MTAP: variants seen among roughly 807,000 people sequenced by gnomAD.
The protein encoded by MTAP is methylthioadenosine phosphorylase, also known as S-methyl-5'-thioadenosine phosphorylase.
In MTAP, 33 loss-of-function variants were observed where a neutral mutation model predicts 33.6. The observed-to-expected ratio is 0.98, with a 90% CI of 0.74 to 1.31. The LOEUF (loss-of-function observed/expected upper bound fraction) is 1.31, where lower values mean the gene tolerates loss of function less well. Ranked by LOEUF, MTAP falls within the 40% of genes most tolerant of loss-of-function variation. The pLI, the probability that MTAP is intolerant of heterozygous loss-of-function variation, is 0.00. For missense variants in MTAP, 367 were observed against 360.0 expected, an observed-to-expected ratio of 1.02 and a Z score of -0.16; for synonymous variants, 148 against 125.7, an observed-to-expected ratio of 1.18 and a Z score of -1.19.
intron 1 of MTAP, among the ~76,000 whole-genome samples, chr9:21,814,922 G>T (rs141499544): frequency 6.6e-6 from 1 of 152,176 alleles, no homozygotes; most frequent in East Asian, 1.9e-4. Context: ...TTCTAATGGC[G>T]TGGGAAAGAT....
At chr9:21,836,897 C>G (rs1825122750) in intron 4 of MTAP, among the ~76,000 whole-genome samples, 1 of 152,140 alleles carries the variant, frequency 6.6e-6, no homozygotes, top group Non-Finnish European at 1.5e-5. Flanking sequence ...GTAAACGGAA[C>G]CAGTGAAACT....
intron 4 of MTAP, among the ~76,000 whole-genome samples, chr9:21,820,872 A>G (rs1454652768): frequency 1.3e-5 from 2 of 152,112 alleles, no homozygotes; most frequent in South Asian, 2.1e-4. Context: ...TAGGTATTTT[A>G]TTCTCTTTGA....
intron 5 of MTAP, among the ~76,000 whole-genome samples, chr9:21,851,534 G>T (rs890788497): frequency 6.6e-6 from 1 of 152,206 alleles, no homozygotes; most frequent in Admixed American, 6.5e-5. Context: ...GCTGTATTAT[G>T]TTACGTGTAA....
intron 5 of MTAP, among the ~76,000 whole-genome samples, chr9:21,851,815 T>C (rs1374069820): frequency 6.6e-6 from 1 of 152,098 alleles, no homozygotes; most frequent in Non-Finnish European, 1.5e-5. Context: ...GGCAGAAAAT[T>C]GTTAAAAGAG....
chr9:21,863,250 T>TC lies in MTAP; in HGVS notation c.*1236_*1237insC. ...AAATTATTTTATACGAGTTGGTAAT[T>TC]TTTGCTTTTTAATAAAGTGGAAGCT... On this transcript the variant is annotated 3_prime_UTR_variant, in exon 8 of 8. Transcript: ENST00000644715. 1 of 978,026 alleles carries TC rather than the reference T, an allele frequency of 1.0e-6. No homozygotes were observed. Among genetic ancestry groups the TC allele is most frequent in the Non-Finnish European group, 1.2e-6 (1 of 823,206 alleles). The allele number at this position is 978,026 out of a possible 1,614,324, so 60.6% of individuals were successfully genotyped here.
chr9:21,921,938 C>G (rs1344705304), intron 1 of MTAP, among the ~76,000 whole-genome samples: 2 of 152,096 alleles, frequency 1.3e-5, no homozygotes, highest in Non-Finnish European at 2.9e-5. Context: ...AAGAAAAGCC[C>G]ATCCCCCACC....
intron 1 of MTAP, among the ~76,000 whole-genome samples, chr9:21,883,880 CAGCTCTGTGTTGTG>C (rs1208794313): frequency 6.6e-6 from 1 of 152,038 alleles, no homozygotes; most frequent in Non-Finnish European, 1.5e-5. Context: ...CAGGAAGTGG[CAGCTCTGTGTTGTG>C]AGCCTCTGTG....
chr9:21,940,535 C>T (rs765682782), downstream of MTAP, among the ~76,000 whole-genome samples: 3 of 152,150 alleles, frequency 2.0e-5, no homozygotes, highest in Non-Finnish European at 2.9e-5. Flanking sequence ...ATTCTAATTT[C>T]CTCCAGTATC....
intron 1 of MTAP, among the ~76,000 whole-genome samples, chr9:21,813,278 G>A (rs892515402): frequency 4.6e-5 from 7 of 152,186 alleles, no homozygotes; most frequent in Non-Finnish European, 1.0e-4. Context: ...CACAATGTAG[G>A]TTTCCGTAAA....
At position 21,878,008 on chromosome 9, in the gene MTAP, G is replaced by A. The variant is rs145974566; in HGVS notation, c.147+23138G>A. On this transcript the variant is annotated intron_variant, in intron 1 of 1. Coordinates refer to the MTAP transcript ENST00000577563. ...GACATGAGCTTTTTATGGTTGGAAG[G>A]CCTTTTAATACTGCTTCAATTTCAG... Among the ~76,000 whole-genome samples the A allele has an allele frequency of 3.3e-3, 503 of 151,966 alleles. 4 individuals carry two copies. Among genetic ancestry groups the A allele is most frequent in the African/African-American group, 0.01 (417 of 41,478 alleles).
chr9:21,888,838 A>G (rs769506544), intron 1 of MTAP, among the ~76,000 whole-genome samples: 1 of 152,148 alleles, frequency 6.6e-6, no homozygotes, highest in South Asian at 2.1e-4. Flanking sequence ...ACACATAGTC[A>G]TCAGGTTATC....
chr9:21,901,802 A>T (rs1367427905), intron 1 of MTAP, among the ~76,000 whole-genome samples: 1 of 152,222 alleles, frequency 6.6e-6, no homozygotes, highest in Non-Finnish European at 1.5e-5. Flanking sequence ...CAATGCCATC[A>T]CAATACAAAT....
At chr9:21,905,910 G>A (rs1028531540) in intron 1 of MTAP, among the ~76,000 whole-genome samples, 2 of 152,308 alleles carry the variant, frequency 1.3e-5, no homozygotes, top group East Asian at 1.9e-4. Context: ...GGCTTTGGGT[G>A]GGGAGAAATA....
chr9:21,872,743 T>C (rs1043683328), intron 1 of MTAP, among the ~76,000 whole-genome samples: 4 of 152,154 alleles, frequency 2.6e-5, no homozygotes, highest in African/African-American at 2.4e-5. Flanking sequence ...ACCCTTTTTT[T>C]CTGTGCCAGA....
chr9:21,875,119 A>T (rs921118218), intron 1 of MTAP, among the ~76,000 whole-genome samples: 6 of 152,134 alleles, frequency 3.9e-5, no homozygotes, highest in Non-Finnish European at 7.3e-5. Context: ...TACTCTTGTG[A>T]ATAGTGCCGC....
intron 1 of MTAP, chr9:21,803,041 C>G: frequency 9.0e-7 from 1 of 1,112,970 alleles, no homozygotes; most frequent in South Asian, 2.0e-5. Context: ...CACACACCAC[C>G]TTTTGGCTTA....
intron 4 of MTAP, among the ~76,000 whole-genome samples, chr9:21,829,421 T>G (rs1026660823): frequency 2.7e-5 from 4 of 148,148 alleles, no homozygotes; most frequent in Admixed American, 2.0e-4. Flanking sequence ...TTTGTTGTTT[T>G]TTTTTTTTGT....
At chr9:21,885,263 G>T (rs1158075286) in intron 1 of MTAP, among the ~76,000 whole-genome samples, 2 of 152,072 alleles carry the variant, frequency 1.3e-5, no homozygotes, top group African/African-American at 4.8e-5. Flanking sequence ...CCTAATTTAT[G>T]CAATTATTTC....
chr9:21,923,738 G>C (rs564932376), intron 1 of MTAP, among the ~76,000 whole-genome samples: 1 of 152,158 alleles, frequency 6.6e-6, no homozygotes, highest in African/African-American at 2.4e-5. Flanking sequence ...AGGGAGGGAA[G>C]TGCAGCCTCT....
Sources: gnomAD v4.1 joint callset for allele counts (sites outside exome capture counted in the v4.1 genomes callset) on GRCh38, gnomAD v4.1.1 for gene constraint, MANE v1.5 for transcripts, NCBI Gene and HGNC (gene_info 2026-07-23, HGNC 2026-07-21) for gene names.